Variants in CRMP1 observed in about 807,000 individuals in gnomAD.
CRMP1 encodes dihydropyrimidinase-related protein 1.
CRMP1 carries 19 observed loss-of-function variants against 68.3 expected under a neutral mutation model. The observed-to-expected ratio is 0.28, with a 90% CI of 0.19 to 0.41. CRMP1 has a LOEUF of 0.41. Ranked by LOEUF, CRMP1 falls within the 10% of genes least tolerant of loss-of-function variation. The probability of loss-of-function intolerance (pLI) is 1.00; values close to 1 mark genes in which losing one functional copy is unlikely to be tolerated. For missense variants in CRMP1, 791 were observed against 967.4 expected, an observed-to-expected ratio of 0.82 and a Z score of 2.42; for synonymous variants, 439 against 399.6, an observed-to-expected ratio of 1.10 and a Z score of -1.18.
rs1164656535 is a variant in CRMP1, at chr4:5,842,594, TCTCTCACA to T, written c.1032+491_1032+498del. Among the ~76,000 whole-genome samples the T allele has an allele frequency of 9.6e-6, 1 of 103,964 alleles. No individual in the cohort carries two copies. The highest frequency in any genetic ancestry group is 2.0e-5 in the Non-Finnish European group (1 of 50,056). The allele number at this position is 103,964 out of a possible 152,430, so 68.2% of individuals were successfully genotyped here. A position where few individuals can be genotyped will look rare whatever the true frequency, so the allele number is the denominator to read the frequency against. ...TGCACATGCACCCACACTCACACAC[TCTCTCACA>T]CACACACACACACACTCACTCACAC... On this transcript the variant is annotated intron_variant, in intron 7 of 13. Coordinates refer to ENST00000324989, the MANE Select transcript of CRMP1 (RefSeq NM_001014809.3). This position sits in a 1 kb window ranked among gnomAD's most constrained non-coding sequence, Gnocchi z 4.5.
chr4:5,827,442 G>C (rs916406216), intron 12 of CRMP1, among the ~76,000 whole-genome samples: 1 of 152,182 alleles, frequency 6.6e-6, no homozygotes, highest in African/African-American at 2.4e-5. Context: ...GGAAGCTGGG[G>C]AGAGACCAAA....
Position 5,865,331 on chromosome 4 carries a change from G to A in CRMP1, c.470+1337C>T, listed in dbSNP as rs1235240960. Among the ~76,000 whole-genome samples, 1 of 152,068 alleles carries A rather than the reference G, an allele frequency of 6.6e-6. No individual in the cohort carries two copies. Among genetic ancestry groups the A allele is most frequent in the Non-Finnish European group, 1.5e-5 (1 of 68,004 alleles). ...CCTGATCCTCACCCGCCAGTAAAAT[G>A]TTAAGGCCAGCCAGGCGCGATGGCT... On this transcript the variant is annotated intron_variant, in intron 2 of 13. Transcript: ENST00000324989. This position sits in a 1 kb window ranked among gnomAD's most constrained non-coding sequence, Gnocchi z 4.1.
In CRMP1 at chr4:5,888,302, T is replaced by C; in HGVS notation, c.381+4287A>G. On this transcript the variant is annotated intron_variant, in intron 1 of 13. Transcript: ENST00000324989. This position sits in a 1 kb window ranked among gnomAD's most constrained non-coding sequence, Gnocchi z 6.4. Reference sequence around the variant, plus strand: ...GGCGCCCTCGGCCCGGCCGCTGACCTGCGGGGCTGTCTGACTGGAACCGGC... The same window carrying C: ...GGCGCCCTCGGCCCGGCCGCTGACCCGCGGGGCTGTCTGACTGGAACCGGC... The C allele has an allele frequency of 1.6e-6, 2 of 1,253,848 alleles. No individual in the cohort carries two copies. The highest frequency in any genetic ancestry group is 2.0e-6 in the Non-Finnish European group (2 of 993,566). The allele number at this position is 1,253,848 out of a possible 1,614,324, so 77.7% of individuals were successfully genotyped here.
chr4:5,841,466 T>C lies in CRMP1; in HGVS notation c.1033-38A>G, dbSNP rs1711723288. ...CACACAGTGTCACAGGAGGGAAGGC[T>C]GGTGTAACAGCTACCACCCATCTCC... is the stretch of plus-strand genomic sequence containing the variant. On this transcript the variant is annotated intron_variant, in intron 7 of 13. Coordinates refer to ENST00000324989, the MANE Select transcript of CRMP1 (RefSeq NM_001014809.3). The surrounding 1 kb of genome is among the most constrained non-coding windows in gnomAD (Gnocchi z 6.9). The C allele has an allele frequency of 6.2e-7, 1 of 1,611,076 alleles. No individual in the cohort carries two copies. The highest frequency in any genetic ancestry group is 1.3e-5 in the African/African-American group (1 of 74,850).
chr4:5,892,240 T>C lies in CRMP1; in HGVS notation c.381+349A>G, dbSNP rs886393570. Among the ~76,000 whole-genome samples, 1 of 152,190 alleles carries C rather than the reference T, an allele frequency of 6.6e-6. No homozygotes were observed. Among genetic ancestry groups the C allele is most frequent in the African/African-American group, 2.4e-5 (1 of 41,450 alleles). On this transcript the variant is annotated intron_variant, in intron 1 of 13. Transcript: ENST00000324989. This position sits in a 1 kb window ranked among gnomAD's most constrained non-coding sequence, Gnocchi z 8.6. ...TTTTCACAAAACAGAATGAGGGGCC[T>C]GGGTTAGATTCATCCCAGAGGTTCC... is the stretch of plus-strand genomic sequence containing the variant.
At position 5,858,586 on chromosome 4, in the gene CRMP1, G is replaced by A. The variant is rs1033685113; in HGVS notation, c.656-2279C>T. 2.6e-5 allele frequency among the ~76,000 whole-genome samples: 4 copies of A among 152,014 alleles called. No homozygotes were observed. Among genetic ancestry groups the A allele is most frequent in the Non-Finnish European group, 4.4e-5 (3 of 68,020 alleles). On this transcript the variant is annotated intron_variant, in intron 3 of 13. Transcript: ENST00000324989. This position sits in a 1 kb window ranked among gnomAD's most constrained non-coding sequence, Gnocchi z 5.5. The stretch of plus-strand genomic sequence containing the variant: ...CCAATTCTGCCCACTCCATGGCCAC[G>A]CCACCCTCATCTCTCAGCTGAATTA...
In CRMP1 at chr4:5,861,100, G is replaced by A. The variant is rs141399602; in HGVS notation, c.581C>T (p.Ser194Phe). 66 of 1,614,116 alleles carry A rather than the reference G, an allele frequency of 4.1e-5. No homozygotes were observed. Among genetic ancestry groups the A allele is most frequent in the Non-Finnish European group, 5.4e-5 (64 of 1,180,054 alleles). The change falls in exon 3 of 14, where the codon TCC becomes TTC. Residue 194 changes from serine (S) to phenylalanine (F), a missense_variant. By Grantham distance (155) the Ser-to-Phe change is radical. Around this residue, in one of 3 missense-constraint regions of CRMP1, gnomAD observed 594 missense variants for 763.6 expected, o/e 0.78. Transcript: ENST00000324989. This position sits in a 1 kb window ranked among gnomAD's most constrained non-coding sequence, Gnocchi z 6.0. The part of the protein sequence containing the change: ...IDVNTYLQKP[S>F]QGMTAADDFF... ...GTCATCAGCCGCAGTCATCCCCTGG[G>A]AGGGCTTCTGCAGGTACGTGTTGAC...
Position 5,889,508 on chromosome 4 carries a change from G to A in CRMP1, c.381+3081C>T, listed in dbSNP as rs961242349. 2.7e-6 allele frequency: 4 copies of A among 1,484,850 alleles called. No individual in the cohort carries two copies. Among genetic ancestry groups the A allele is most frequent in the Non-Finnish European group, 3.6e-6 (4 of 1,101,830 alleles). 92.0% of individuals were successfully genotyped at this position (1,484,850 alleles called of 1,614,324 possible). A position where few individuals can be genotyped will look rare whatever the true frequency, so the allele number is the denominator to read the frequency against. On this transcript the variant is annotated intron_variant, in intron 1 of 13. Coordinates refer to ENST00000324989, the MANE Select transcript of CRMP1 (RefSeq NM_001014809.3). The surrounding 1 kb of genome is among the most constrained non-coding windows in gnomAD (Gnocchi z 4.5). Reference sequence around the variant, plus strand: ...AGGAAGCCAGGTCACAGCTTGACAAGGTCCGTAACAGCAGAGGGGAAAAGA... The same window carrying A: ...AGGAAGCCAGGTCACAGCTTGACAAAGTCCGTAACAGCAGAGGGGAAAAGA...
chr4:5,831,812 T>A (rs555307440), intron 11 of CRMP1, among the ~76,000 whole-genome samples: 13 of 152,134 alleles, frequency 8.5e-5, no homozygotes, highest in Non-Finnish European at 1.8e-4. Flanking sequence ...ATACAAACAA[T>A]GTAAAAATTT....
chr4:5,821,795 G>T lies in CRMP1; in HGVS notation c.2026C>A (p.Pro676Thr). The change falls in exon 14 of 14, where the codon CCT (proline) becomes ACT (threonine). Residue 676 changes from proline to threonine, a missense_variant. Pro to Thr is a conservative substitution (Grantham distance 38). Coordinates refer to ENST00000324989, the MANE Select transcript of CRMP1 (RefSeq NM_001014809.3). This position sits in a 1 kb window ranked among gnomAD's most constrained non-coding sequence, Gnocchi z 4.4. Reference protein sequence around the residue: ...RRTGHRIVAPPGGRSNITSLG With the variant: ...RRTGHRIVAPTGGRSNITSLG Reference sequence around the variant, plus strand: ...CTGGTGATGTTGGAGCGGCCACCAGGGGGCGCCACGATGCGGTGGCCGGTG... The same window carrying T: ...CTGGTGATGTTGGAGCGGCCACCAGTGGGCGCCACGATGCGGTGGCCGGTG... 6.2e-7 allele frequency: 1 copy of T among 1,611,594 alleles called. No homozygotes were observed. Among genetic ancestry groups the T allele is most frequent in the Non-Finnish European group, 8.5e-7 (1 of 1,179,116 alleles).
At chr4:5,823,924 G>A (rs2152433392) in intron 13 of CRMP1, among the ~76,000 whole-genome samples, 1 of 152,322 alleles carries the variant, frequency 6.6e-6, no homozygotes, top group East Asian at 1.9e-4. Context: ...CTGTGAGGTT[G>A]TTATGATGTT....
At chr4:5,867,821 A>G (rs2152470344) in intron 1 of CRMP1, among the ~76,000 whole-genome samples, 1 of 151,094 alleles carries the variant, frequency 6.6e-6, no homozygotes, top group Middle Eastern at 3.5e-3. Flanking sequence ...AGTCTAAAAA[A>G]GAGTCTATTT....
intron 10 of CRMP1, among the ~76,000 whole-genome samples, chr4:5,836,323 G>A (rs1199671876): frequency 2.6e-5 from 4 of 152,174 alleles, no homozygotes; most frequent in Admixed American, 6.5e-5. Flanking sequence ...TCTTGTCCAT[G>A]TCACCAGGCC....
intron 1 of CRMP1, among the ~76,000 whole-genome samples, chr4:5,867,484 C>T (rs1038951576): frequency 6.6e-6 from 1 of 151,982 alleles, no homozygotes; most frequent in Non-Finnish European, 1.5e-5. Context: ...AAAAGAAAAC[C>T]CCATTTTTCC....
At chr4:5,868,311 T>C (rs1316309024) in intron 1 of CRMP1, among the ~76,000 whole-genome samples, 1 of 131,394 alleles carries the variant, frequency 7.6e-6, no homozygotes, top group Admixed American at 7.7e-5. Context: ...ATACATAATT[T>C]TTTTTTTTGA....
At chr4:5,878,913 CT>C (rs1715036232) in intron 1 of CRMP1, among the ~76,000 whole-genome samples, 1 of 151,966 alleles carries the variant, frequency 6.6e-6, no homozygotes, top group African/African-American at 2.4e-5. Context: ...TTTTTTAGAT[CT>C]TGTTGCATCT....
rs1553910125 is a variant in CRMP1, at chr4:5,891,187, C to CACAT, written c.381+1401_381+1402insATGT. Among the ~76,000 whole-genome samples the CACAT allele has an allele frequency of 6.7e-6, 1 of 150,196 alleles. No homozygotes were observed. Among genetic ancestry groups the CACAT allele is most frequent in the Non-Finnish European group, 1.5e-5 (1 of 67,510 alleles). Reference sequence around the variant, plus strand: ...CACCACACACACATACACACACACACACACACACACACACACACACACACA... The same window carrying CACAT: ...CACCACACACACATACACACACACACACATACACACACACACACACACACACACA... On this transcript the variant is annotated intron_variant, in intron 1 of 13. Transcript: ENST00000324989. This position sits in a 1 kb window ranked among gnomAD's most constrained non-coding sequence, Gnocchi z 5.2.
At position 5,829,456 on chromosome 4, in the gene CRMP1, G is replaced by A. The variant is rs114375480; in HGVS notation, c.1624-788C>T. ...CTTCAAGTGAATACTTGACAGTTGT[G>A]TGTCAACTGTCACCAGCCAACTGCT... On this transcript the variant is annotated intron_variant, in intron 11 of 13. Transcript: ENST00000324989. Among the ~76,000 whole-genome samples, 821 of 152,258 alleles carry A rather than the reference G, an allele frequency of 5.4e-3. 10 individuals carry two copies. The highest frequency in any genetic ancestry group is 0.019 in the African/African-American group (797 of 41,538).
intron 4 of CRMP1, 38 bp downstream of exon 4, chr4:5,856,105 G>C (rs113529016): frequency 1.8e-5 from 29 of 1,608,734 alleles, no homozygotes; most frequent in African/African-American, 1.2e-4. Flanking sequence ...CAAAGAACAA[G>C]GGATTCCCCA....
Sources: allele counts gnomAD v4.1 joint callset (sites outside exome capture counted in the v4.1 genomes callset), GRCh38; gene constraint gnomAD v4.1.1; regional missense constraint gnomAD v4.1.1; non-coding constraint Gnocchi (gnomAD v3.1); transcripts MANE v1.5; gene names NCBI Gene and HGNC (gene_info 2026-07-23, HGNC 2026-07-21).